Variants in ROBO1 observed in about 807,000 individuals in gnomAD.
ROBO1 encodes the protein roundabout guidance receptor 1.
In ROBO1, 149 loss-of-function variants were observed where a neutral mutation model predicts 195.9. That is an observed-to-expected ratio of 0.76 (90% CI 0.67 to 0.87). The LOEUF (loss-of-function observed/expected upper bound fraction) is 0.87, where lower values mean the gene tolerates loss of function less well. Ranked by LOEUF, ROBO1 falls within the 40% of genes least tolerant of loss-of-function variation. The pLI is 0.00. For synonymous variants in ROBO1, 816 were observed against 733.2 expected (o/e 1.11, Z -1.82); for missense variants, 1,933 against 2,068.3 (o/e 0.93, Z 1.27).
chr3:78,962,830 A>C (rs1284969045), intron 3 of ROBO1, among the ~76,000 whole-genome samples: 1 of 146,582 alleles, frequency 6.8e-6, no homozygotes, highest in African/African-American at 2.7e-5. Context: ...TCTCAAAAAA[A>C]AAAAAAAAAA....
At chr3:78,867,822 A>G (rs932677774) in intron 4 of ROBO1, among the ~76,000 whole-genome samples, 28 of 152,116 alleles carry the variant, frequency 1.8e-4, no homozygotes, top group African/African-American at 6.8e-4. Context: ...TTATCTTGTG[A>G]TTCATAAAAC....
At chr3:78,962,693 C>CG (rs1405691059) in intron 3 of ROBO1, among the ~76,000 whole-genome samples, 2 of 151,546 alleles carry the variant, frequency 1.3e-5, no homozygotes, top group Non-Finnish European at 2.9e-5. Context: ...GGCGTGGTGG[C>CG]GGCGCCTGTA....
intron 5 of ROBO1, among the ~76,000 whole-genome samples, chr3:78,739,333 T>C (rs905228859): frequency 1.3e-5 from 2 of 152,158 alleles, no homozygotes; most frequent in Non-Finnish European, 2.9e-5. Flanking sequence ...TTAATAATAT[T>C]TTACTTAACT....
intron 4 of ROBO1, among the ~76,000 whole-genome samples, chr3:78,750,761 C>A (rs2082773130): frequency 6.6e-6 from 1 of 151,988 alleles, no homozygotes; most frequent in Non-Finnish European, 1.5e-5. Context: ...TCTTTAAGTG[C>A]ATTGAGGAAA....
At chr3:79,156,456 A>AT (rs1298830960) in intron 2 of ROBO1, among the ~76,000 whole-genome samples, 1 of 151,846 alleles carries the variant, frequency 6.6e-6, no homozygotes, top group Non-Finnish European at 1.5e-5. Context: ...CCAATAAATG[A>AT]TTATTGATTA....
chr3:79,724,745 G>A (rs1702845306), intron 1 of ROBO1, among the ~76,000 whole-genome samples: 1 of 152,184 alleles, frequency 6.6e-6, no homozygotes, highest in African/African-American at 2.4e-5. Flanking sequence ...AGCAAATCAT[G>A]CCTGAATTCC....
chr3:78,675,610 G>A (rs1366721698), intron 10 of ROBO1, among the ~76,000 whole-genome samples: 1 of 152,182 alleles, frequency 6.6e-6, no homozygotes, highest in Non-Finnish European at 1.5e-5. Flanking sequence ...CAGCGAGGCT[G>A]GGGGAGGGGG....
chr3:78,721,842 G>A (rs2082052187), intron 5 of ROBO1, among the ~76,000 whole-genome samples: 1 of 152,162 alleles, frequency 6.6e-6, no homozygotes, highest in East Asian at 1.9e-4. Context: ...GCACACGTGG[G>A]CCACCAATTA....
chr3:78,620,973 A>G (rs1704421911), intron 26 of ROBO1, among the ~76,000 whole-genome samples: 1 of 151,382 alleles, frequency 6.6e-6, no homozygotes, highest in South Asian at 2.1e-4. Context: ...AATAAAAGCT[A>G]ATATATTACA....
intron 4 of ROBO1, among the ~76,000 whole-genome samples, chr3:78,887,338 C>T (rs2036626566): frequency 6.6e-6 from 1 of 152,110 alleles, no homozygotes; most frequent in African/African-American, 2.4e-5. Context: ...CCATTACTAG[C>T]CTTGAGTCTA....
At chr3:79,395,196 C>A (rs929415899) in intron 2 of ROBO1, among the ~76,000 whole-genome samples, 1 of 151,548 alleles carries the variant, frequency 6.6e-6, no homozygotes, top group Non-Finnish European at 1.5e-5. Flanking sequence ...GGTGGCGGCA[C>A]CTGTGGTCCC....
chr3:78,666,397 T>C (rs865939120), intron 14 of ROBO1, among the ~76,000 whole-genome samples: 1 of 152,228 alleles, frequency 6.6e-6, no homozygotes, highest in Admixed American at 6.5e-5. Context: ...TGAGGTTACA[T>C]ATTCCAGAAT....
intron 1 of ROBO1, among the ~76,000 whole-genome samples, 192 bp downstream of exon 1, chr3:79,767,560 C>T (rs764705586): frequency 2.0e-5 from 3 of 152,174 alleles, no homozygotes; most frequent in African/African-American, 4.8e-5. Context: ...CTGCAATTTC[C>T]GATTTAGCCT....
At chr3:78,697,282 C>T (rs9842948) in intron 8 of ROBO1, among the ~76,000 whole-genome samples, 62,718 of 151,406 alleles carry the variant, frequency 0.41, 14,129 homozygotes, top group Middle Eastern at 0.56. Context: ...GAGGGAGGGA[C>T]GGAGGAAGAT....
chr3:79,584,663 A>T (rs1943770818), intron 2 of ROBO1, among the ~76,000 whole-genome samples: 1 of 147,640 alleles, frequency 6.8e-6, no homozygotes, highest in African/African-American at 2.6e-5. Context: ...ACACACACAT[A>T]CACGTACACA....
chr3:79,193,703 T>C (rs937718672), intron 2 of ROBO1, among the ~76,000 whole-genome samples: 1 of 150,296 alleles, frequency 6.7e-6, no homozygotes, highest in African/African-American at 2.4e-5. Context: ...CCAATTATCA[T>C]TCTTACATAT....
At chr3:79,732,289 G>T (rs1159533466) in intron 1 of ROBO1, among the ~76,000 whole-genome samples, 1 of 151,572 alleles carries the variant, frequency 6.6e-6, no homozygotes, top group East Asian at 1.9e-4. Context: ...TAAAATTTGA[G>T]ACTAGATCAG....
intron 3 of ROBO1, among the ~76,000 whole-genome samples, chr3:79,039,334 CT>C (rs2078438482): frequency 6.6e-6 from 1 of 152,072 alleles, no homozygotes; most frequent in African/African-American, 2.4e-5. Flanking sequence ...TACATTTTCC[CT>C]GAGAAATTCA....
intron 2 of ROBO1, among the ~76,000 whole-genome samples, chr3:79,416,004 A>C (rs903628696): frequency 1.3e-5 from 2 of 152,148 alleles, no homozygotes; most frequent in African/African-American, 4.8e-5. Flanking sequence ...ATAACTAAAA[A>C]ATGTCACTAT....
Sources: allele counts gnomAD v4.1 joint callset (sites outside exome capture counted in the v4.1 genomes callset), GRCh38; gene constraint gnomAD v4.1.1; transcripts MANE v1.5; gene names NCBI Gene and HGNC (gene_info 2026-07-23, HGNC 2026-07-21).